The following HOXD1 variants were observed in gnomAD, a reference collection of about 807,000 sequenced individuals.
The protein encoded by HOXD1 is homeobox D1, also known as homeobox protein Hox-D1.
A neutral mutation model predicts 19.9 loss-of-function variants in HOXD1; 17 were observed. That is an observed-to-expected ratio of 0.85 (90% CI 0.58 to 1.28). HOXD1 has a LOEUF of 1.28. HOXD1 is among the 50% of genes most tolerant of loss of function. HOXD1 has a pLI of 0.00. For missense variants in HOXD1, 500 were observed against 460.1 expected (o/e 1.09, Z -0.79); for synonymous variants, 239 against 216.0 (o/e 1.11, Z -0.93).
chr2:176,189,461 C>G lies in HOXD1; in HGVS notation c.652+8C>G, dbSNP rs967924598. 3 of 1,611,716 alleles carry G rather than the reference C, an allele frequency of 1.9e-6. No individual in the cohort carries two copies. In the Admixed American group the frequency reaches 5.0e-5, roughly 27 times the overall value. Reference sequence around the variant, plus strand: ...GGAATGCCTCTAAGAAAGGTAAGTCCGCGGGCCTTGGATGGGGCCACCTGG... The same window carrying G: ...GGAATGCCTCTAAGAAAGGTAAGTCGGCGGGCCTTGGATGGGGCCACCTGG... On this transcript the variant is annotated splice_region_variant and intron_variant, in intron 1 of 1. Coordinates refer to ENST00000331462, the MANE Select transcript of HOXD1 (RefSeq NM_024501.3).
chr2:176,189,576 C>A, intron 1 of HOXD1, 123 bp downstream of exon 1: 1 of 1,578,824 alleles, frequency 6.3e-7, no homozygotes, highest in Non-Finnish European at 8.6e-7. Flanking sequence ...GTGGAGGAGA[C>A]GCGTTCCCGG....
chr2:176,188,687 A>G lies in HOXD1; in HGVS notation c.-115A>G, dbSNP rs755965028. ...TCACTCGCCATGGGTTGGAGAGGGC[A>G]GCTCGGGTAGAGAGGGCTGGCGGAG... On this transcript the variant is annotated 5_prime_UTR_variant, in exon 1 of 2. Coordinates refer to ENST00000331462, the MANE Select transcript of HOXD1 (RefSeq NM_024501.3). 10 of 1,089,436 alleles carry G rather than the reference A, an allele frequency of 9.2e-6. No homozygotes were observed. The highest frequency in any genetic ancestry group is 1.4e-5 in the Non-Finnish European group (10 of 736,706). The allele number at this position is 1,089,436 out of a possible 1,614,324, so 67.5% of individuals were successfully genotyped here. A position where few individuals can be genotyped will look rare whatever the true frequency, so the allele number is the denominator to read the frequency against.
At chr2:176,189,582 C>G (rs1691749469) in intron 1 of HOXD1, 129 bp downstream of exon 1, 1 of 1,573,810 alleles carries the variant, frequency 6.4e-7, no homozygotes, top group South Asian at 1.2e-5. Context: ...GAGACGCGTT[C>G]CCGGGCGAAT....
Position 176,189,931 on chromosome 2 carries a change from G to C in HOXD1, c.776G>C (p.Arg259Pro), listed in dbSNP as rs1462832711. The part of the protein sequence containing the change: ...HFNKYLTRAR[R>P]IEIANCLHLN... ...AATAAGTACTTAACTCGAGCCCGGC[G>C]CATCGAGATAGCCAACTGCTTGCAC... is the stretch of plus-strand genomic sequence containing the variant. Residue 259 changes from arginine to proline, a missense_variant, in exon 2 of 2, where the codon CGC becomes CCC. Physicochemically the swap from Arg to Pro is moderately radical, Grantham distance 103. Transcript: ENST00000331462. 1 of 1,613,990 alleles carries C rather than the reference G, an allele frequency of 6.2e-7. No homozygotes were observed. The highest frequency in any genetic ancestry group is 8.5e-7 in the Non-Finnish European group (1 of 1,180,030).
rs1481749305 is a variant in HOXD1 at position 176,188,709 on chromosome 2, G to A, written c.-93G>A. Reference sequence around the variant, plus strand: ...GGCAGCTCGGGTAGAGAGGGCTGGCGGAGCGGCGCAGACGGCGGCAGTCCT... The same window carrying A: ...GGCAGCTCGGGTAGAGAGGGCTGGCAGAGCGGCGCAGACGGCGGCAGTCCT... On this transcript the variant is annotated 5_prime_UTR_variant, in exon 1 of 2. Transcript: ENST00000331462. The A allele has an allele frequency of 2.2e-6, 3 of 1,336,144 alleles. No individual in the cohort carries two copies. In the South Asian group the frequency reaches 3.8e-5, roughly 17 times the overall value. 82.8% of individuals were successfully genotyped at this position (1,336,144 alleles called of 1,614,324 possible). A position where few individuals can be genotyped will look rare whatever the true frequency, so the allele number is the denominator to read the frequency against.
At position 176,189,765 on chromosome 2, in the gene HOXD1, C is replaced by T. The variant is rs767697725; in HGVS notation, c.653-43C>T. 1.7e-5 allele frequency: 28 copies of T among 1,610,564 alleles called. No individual in the cohort carries two copies. In the South Asian group the frequency reaches 3.1e-4, roughly 18 times the overall value. On this transcript the variant is annotated intron_variant, in intron 1 of 1. Transcript: ENST00000331462. ...GCTCCACTGCTCACCCACATTCTGT[C>T]CCCGGCCTCAGGCCTGGCTGACGCC...
rs757888897 is a variant in HOXD1 at position 176,189,791 on chromosome 2, C to T, written c.653-17C>T. 1.9e-6 allele frequency: 3 copies of T among 1,612,248 alleles called. No individual in the cohort carries two copies. In the African/African-American group the frequency reaches 4.0e-5, roughly 22 times the overall value. Reference sequence around the variant, plus strand: ...CCCGGCCTCAGGCCTGGCTGACGCCCTGTCTTTACGTTGCAGGCAAACTCG... The same window carrying T: ...CCCGGCCTCAGGCCTGGCTGACGCCTTGTCTTTACGTTGCAGGCAAACTCG... On this transcript the variant is annotated splice_polypyrimidine_tract_variant and intron_variant, in intron 1 of 1. Transcript: ENST00000331462.
At position 176,189,930 on chromosome 2, in the gene HOXD1, C is replaced by A; in HGVS notation, c.775C>A (p.Arg259Ser). ...CAATAAGTACTTAACTCGAGCCCGG[C>A]GCATCGAGATAGCCAACTGCTTGCA... Reference protein sequence around the residue: ...HFNKYLTRARRIEIANCLHLN... With the variant: ...HFNKYLTRARSIEIANCLHLN... Residue 259 changes from arginine to serine, a missense_variant, in exon 2 of 2, where the codon CGC (arginine) becomes AGC (serine). Transcript: ENST00000331462. 7 of 1,614,090 alleles carry A rather than the reference C, an allele frequency of 4.3e-6. No homozygotes were observed. The highest frequency in any genetic ancestry group is 5.9e-6 in the Non-Finnish European group (7 of 1,179,982).
At chr2:176,189,672 AC>A (rs766323988) in intron 1 of HOXD1, 135 bp from the exon 2 acceptor site, 1 of 1,594,968 alleles carries the variant, frequency 6.3e-7, no homozygotes, top group South Asian at 1.1e-5. Context: ...TCTCCGTGGA[AC>A]TTCTCCTGGT....
rs1204514678 is a variant in HOXD1 at position 176,189,235 on chromosome 2, CT to C, written c.437del (p.Phe146SerfsTer63). On this transcript the variant is annotated frameshift_variant, in exon 1 of 2. Coordinates refer to ENST00000331462, the MANE Select transcript of HOXD1 (RefSeq NM_024501.3). LOFTEE classifies it high-confidence loss of function. ...ATSAVFSGGG[S>X]FLLSGQVDYA... ...TCGGCCGTCTTCTCGGGCGGCGGCT[CT>C]TTCCTCCTCAGCGGCCAGGTGGATT... 2.5e-6 allele frequency: 4 copies of C among 1,594,516 alleles called. No homozygotes were observed. Among genetic ancestry groups the C allele is most frequent in the East Asian group, 2.3e-5 (1 of 43,622 alleles).
In HOXD1 at chr2:176,189,431, G is replaced by A; in HGVS notation, c.630G>A (p.Val210=). 3 of 1,612,558 alleles carry A rather than the reference G, an allele frequency of 1.9e-6. No homozygotes were observed. In the South Asian group the frequency reaches 3.3e-5, roughly 18 times the overall value. ...AAFSTFEWMK[V]KRNASKKGKL... is the part of the protein sequence containing the mutation. ...TCAGCACGTTCGAGTGGATGAAAGT[G>A]AAGAGGAATGCCTCTAAGAAAGGTA... Residue 210 remains valine, a synonymous_variant, in exon 1 of 2, where the codon GTG becomes GTA. Coordinates refer to ENST00000331462, the MANE Select transcript of HOXD1 (RefSeq NM_024501.3).
chr2:176,189,798 T>C lies in HOXD1; in HGVS notation c.653-10T>C. The C allele has an allele frequency of 1.2e-6, 2 of 1,613,008 alleles. No homozygotes were observed. Among genetic ancestry groups the C allele is most frequent in the Non-Finnish European group, 1.7e-6 (2 of 1,179,228 alleles). On this transcript the variant is annotated splice_polypyrimidine_tract_variant and intron_variant, in intron 1 of 1. Transcript: ENST00000331462. ...TCAGGCCTGGCTGACGCCCTGTCTT[T>C]ACGTTGCAGGCAAACTCGCCGAGTA...
In HOXD1 at chr2:176,189,533, G is replaced by T. The variant is rs536497105; in HGVS notation, c.652+80G>T. The T allele has an allele frequency of 3.3e-4, 532 of 1,608,822 alleles. 2 individuals carry two copies. The South Asian group carries it at 3.7e-3, about 11-fold the overall frequency. ...CGCGGAAATGCGCTGGGAGCGTGGTGTCGCTGCCTTTCCAGACAGCGGTTT... is the reference window on the plus strand; with the variant it reads ...CGCGGAAATGCGCTGGGAGCGTGGTTTCGCTGCCTTTCCAGACAGCGGTTT... On this transcript the variant is annotated intron_variant, in intron 1 of 1. Coordinates refer to ENST00000331462, the MANE Select transcript of HOXD1 (RefSeq NM_024501.3).
Position 176,188,813 on chromosome 2 carries a change from C to A in HOXD1, c.12C>A (p.Tyr4Ter), listed in dbSNP as rs764238870. Residue 4 changes from tyrosine to a stop codon, truncating the protein, a stop_gained, in exon 1 of 2, where the codon TAC becomes TAA. Transcript: ENST00000331462. LOFTEE classifies it high-confidence loss of function. MSS[Y>*]LEYVSCSSSG... ...GTGGGGCCCGAACCATGAGCTCCTACCTGGAGTACGTGTCATGCAGCAGCA... is the reference window on the plus strand; with the variant it reads ...GTGGGGCCCGAACCATGAGCTCCTAACTGGAGTACGTGTCATGCAGCAGCA... The A allele has an allele frequency of 2.5e-5, 41 of 1,608,884 alleles. No homozygotes were observed. The East Asian group carries it at 9.0e-4, about 35-fold the overall frequency.
At chr2:176,189,620 T>G in intron 1 of HOXD1, 167 bp downstream of exon 1, 2 of 1,563,090 alleles carry the variant, frequency 1.3e-6, no homozygotes, top group East Asian at 4.8e-5. Context: ...GAGTACAGAT[T>G]CGGAAAATGT....
rs889199651 is a variant in HOXD1, at chr2:176,188,794, C to A, written c.-8C>A. 6.2e-7 allele frequency: 1 copy of A among 1,607,054 alleles called. No individual in the cohort carries two copies. The highest frequency in any genetic ancestry group is 1.7e-5 in the Admixed American group (1 of 59,578). ...GGCCTGCGCCCTCAGAAAGGTGGGGCCCGAACCATGAGCTCCTACCTGGAG... is the reference window on the plus strand; with the variant it reads ...GGCCTGCGCCCTCAGAAAGGTGGGGACCGAACCATGAGCTCCTACCTGGAG... On this transcript the variant is annotated 5_prime_UTR_variant, in exon 1 of 2. Coordinates refer to ENST00000331462, the MANE Select transcript of HOXD1 (RefSeq NM_024501.3).
rs535531103 is a variant in HOXD1, at chr2:176,188,876, C to A, written c.75C>A (p.Pro25=). The change falls in exon 1 of 2, where the codon CCC becomes CCA. Residue 25 remains proline (P), a synonymous_variant. Transcript: ENST00000331462. The part of the protein sequence containing the change: ...GVGGDVLSLA[P]KFCRSDARPV... ...GCGGCGACGTGCTCAGCTTGGCACC[C>A]AAGTTCTGCCGCTCCGACGCCCGGC... 2.5e-6 allele frequency: 4 copies of A among 1,600,154 alleles called. No individual in the cohort carries two copies. The South Asian group carries it at 3.3e-5, about 13-fold the overall frequency.
In HOXD1 at chr2:176,190,437, A is replaced by G. The variant is rs1691772078; in HGVS notation, c.*295A>G. ...TCTTTGCCTCACTTAGTCATGTGCA[A>G]TTCGCGTTGCAGAGTGGCAGACCAT... On this transcript the variant is annotated 3_prime_UTR_variant, in exon 2 of 2. Transcript: ENST00000331462. The G allele has an allele frequency of 2.5e-6, 1 of 406,146 alleles. No homozygotes were observed. The highest frequency in any genetic ancestry group is 4.2e-5 in the East Asian group (1 of 23,912). 25.2% of individuals were successfully genotyped at this position (406,146 alleles called of 1,614,324 possible). A position where few individuals can be genotyped will look rare whatever the true frequency, so the allele number is the denominator to read the frequency against.
chr2:176,188,936 C>G lies in HOXD1; in HGVS notation c.135C>G (p.Asn45Lys). The G allele has an allele frequency of 6.4e-7, 1 of 1,560,798 alleles. No homozygotes were observed. Among genetic ancestry groups the G allele is most frequent in the Non-Finnish European group, 8.6e-7 (1 of 1,161,562 alleles). ...VALQPAFPLG[N>K]GDGAFVSCLP... The stretch of plus-strand genomic sequence containing the variant: ...TGCAGCCCGCCTTCCCTCTGGGCAA[C>G]GGCGACGGCGCCTTCGTCAGCTGTC... The change falls in exon 1 of 2, where the codon AAC (asparagine) becomes AAG (lysine). Residue 45 changes from asparagine (N) to lysine (K), a missense_variant. By Grantham distance (94) the Asn-to-Lys change is moderately conservative. Coordinates refer to ENST00000331462, the MANE Select transcript of HOXD1 (RefSeq NM_024501.3).
Sources: gnomAD v4.1 joint callset for allele counts on GRCh38, gnomAD v4.1.1 for gene constraint, MANE v1.5 for transcripts, NCBI Gene and HGNC (gene_info 2026-07-23, HGNC 2026-07-21) for gene names.